PATJ: variants seen among roughly 807,000 people sequenced by gnomAD.
PATJ encodes inaD-like protein.
PATJ carries 190 observed loss-of-function variants against 224.9 expected under a neutral mutation model. The observed-to-expected ratio is 0.84, with a 90% confidence interval of 0.75 to 0.95. The LOEUF (loss-of-function observed/expected upper bound fraction) is 0.95. PATJ is among the 40% of genes least tolerant of loss of function. PATJ has a pLI of 0.00. For missense variants in PATJ, 2,121 were observed against 2,270.3 expected (o/e 0.93, Z 1.34); for synonymous variants, 769 against 820.3 (o/e 0.94, Z 1.07).
chr1:62,114,002 G>A (rs1283559823), intron 34 of PATJ, 51 bp from the exon 35 acceptor site: 3 of 1,559,278 alleles, frequency 1.9e-6, no homozygotes, highest in Non-Finnish European at 2.6e-6. Context: ...AGACAGAGAA[G>A]GCAGAGACCT....
chr1:61,751,780 C>T (rs933488717), intron 1 of PATJ, among the ~76,000 whole-genome samples: 12 of 151,736 alleles, frequency 7.9e-5, no homozygotes, highest in African/African-American at 2.4e-4. Context: ...GAGCCAAGAC[C>T]GCACCACTGC....
chr1:62,048,366 C>A (rs552410627), intron 30 of PATJ, among the ~76,000 whole-genome samples: 1 of 151,546 alleles, frequency 6.6e-6, no homozygotes, highest in Admixed American at 6.6e-5. Flanking sequence ...GCCAACATGG[C>A]GAAACCCCGT....
At chr1:62,085,905 T>C (rs1253926096) in intron 33 of PATJ, among the ~76,000 whole-genome samples, 1 of 151,922 alleles carries the variant, frequency 6.6e-6, no homozygotes, top group Non-Finnish European at 1.5e-5. Context: ...CATTTTCATA[T>C]CTACTCATAA....
At chr1:61,893,502 G>A (rs1477812395) in intron 22 of PATJ, among the ~76,000 whole-genome samples, 2 of 112,148 alleles carry the variant, frequency 1.8e-5, no homozygotes, top group Non-Finnish European at 1.8e-5. Context: ...TTTTTTTTTC[G>A]CCAATTAAAG....
chr1:62,130,768 G>A (rs1433000881), intron 41 of PATJ, among the ~76,000 whole-genome samples: 3 of 151,990 alleles, frequency 2.0e-5, no homozygotes, highest in Admixed American at 6.6e-5. Flanking sequence ...GGAGAATGGC[G>A]TGAACCTGGG....
intron 13 of PATJ, among the ~76,000 whole-genome samples, chr1:61,807,490 T>C (rs1214634890): frequency 6.6e-6 from 1 of 152,198 alleles, no homozygotes; most frequent in Non-Finnish European, 1.5e-5. Context: ...AAAATTTTAT[T>C]CTCCTTATAA....
Position 61,791,398 on chromosome 1 carries a change from G to C in PATJ, c.1119G>C (p.Gly373=). 6.2e-7 allele frequency: 1 copy of C among 1,612,328 alleles called. No homozygotes were observed. Residue 373 remains glycine (G), a synonymous_variant, in exon 9 of 44, where the codon GGG becomes GGC. Coordinates refer to ENST00000642238, the MANE Select transcript of PATJ (RefSeq NM_001350145.3). ...ATGTTGAGCTTGTGAGAAAAGATGG[G>C]CAGAGTCTTGGAATTAGAATTGTTG... ...TYNVELVRKD[G]QSLGIRIVGY...
At chr1:62,147,940 G>A (rs191212675) in intron 41 of PATJ, among the ~76,000 whole-genome samples, 366 of 151,714 alleles carry the variant, frequency 2.4e-3, no homozygotes, top group African/African-American at 8.4e-3. Context: ...TCCAGCCTGG[G>A]TGACAAGAGT....
At position 61,864,209 on chromosome 1, in the gene PATJ, T is replaced by A. The variant is rs749062169; in HGVS notation, c.2440-29T>A. The stretch of plus-strand genomic sequence containing the variant: ...GTGCAGCTTCAGGACAGGCGTAACT[T>A]CACATTTTTTTGCATCTTTTATTTA... On this transcript the variant is annotated intron_variant, in intron 19 of 43. Coordinates refer to ENST00000642238, the MANE Select transcript of PATJ (RefSeq NM_001350145.3). The A allele has an allele frequency of 2.3e-5, 36 of 1,549,468 alleles. No individual in the cohort carries two copies. The East Asian group carries it at 8.1e-4, about 35-fold the overall frequency.
chr1:62,033,917 A>T (rs1649820511), intron 29 of PATJ, among the ~76,000 whole-genome samples: 1 of 152,184 alleles, frequency 6.6e-6, no homozygotes, highest in South Asian at 2.1e-4. Flanking sequence ...AGAGTGGGAG[A>T]AAAACCAGCA....
intron 29 of PATJ, among the ~76,000 whole-genome samples, chr1:62,028,801 A>G (rs1648565720): frequency 6.6e-6 from 1 of 151,668 alleles, no homozygotes; most frequent in Non-Finnish European, 1.5e-5. Flanking sequence ...AGAAAAAGAA[A>G]AGAAAAGCCA....
intron 27 of PATJ, among the ~76,000 whole-genome samples, chr1:61,960,442 A>C (rs1334240550): frequency 1.3e-5 from 2 of 151,794 alleles, no homozygotes; most frequent in Non-Finnish European, 2.9e-5. Flanking sequence ...TGGCTGGATC[A>C]CCTGGGGTCA....
chr1:61,827,935 C>T (rs1347574774), intron 16 of PATJ, among the ~76,000 whole-genome samples: 3 of 152,220 alleles, frequency 2.0e-5, no homozygotes, highest in Non-Finnish European at 4.4e-5. Flanking sequence ...ATGTACTCCC[C>T]TTTTTAAGAG....
At chr1:62,131,057 A>C (rs1378660094) in intron 41 of PATJ, among the ~76,000 whole-genome samples, 1 of 152,198 alleles carries the variant, frequency 6.6e-6, no homozygotes, top group Non-Finnish European at 1.5e-5. Context: ...TCCTGTCATT[A>C]ATTTCAAGGG....
intron 35 of PATJ, chr1:62,114,450 A>G (rs1017856155): frequency 5.5e-6 from 3 of 544,226 alleles, no homozygotes; most frequent in Admixed American, 3.4e-5. Flanking sequence ...TCCAAGTCCA[A>G]TCAATCCAGA....
intron 20 of PATJ, among the ~76,000 whole-genome samples, chr1:61,874,902 C>A (rs768056537): frequency 1.3e-5 from 2 of 152,186 alleles, no homozygotes; most frequent in Non-Finnish European, 2.9e-5. Context: ...GCAACACAAT[C>A]CAGGAGGCTG....
At chr1:62,134,204 C>CTA (rs1286356952) in intron 41 of PATJ, among the ~76,000 whole-genome samples, 2 of 124,002 alleles carry the variant, frequency 1.6e-5, no homozygotes, top group Non-Finnish European at 3.4e-5. Context: ...GTACTCTCGT[C>CTA]TTTTTTTTTT....
At chr1:61,811,898 A>G (rs1489094171) in intron 14 of PATJ, among the ~76,000 whole-genome samples, 2 of 151,480 alleles carry the variant, frequency 1.3e-5, no homozygotes, top group African/African-American at 4.8e-5. Context: ...CATCTCTACT[A>G]AAAATACAAA....
intron 28 of PATJ, among the ~76,000 whole-genome samples, chr1:62,016,784 A>G (rs1646792937): frequency 6.6e-6 from 1 of 152,226 alleles, no homozygotes; most frequent in Non-Finnish European, 1.5e-5. Context: ...GACTTAAAAC[A>G]GGGATATAAT....
Sources: gnomAD v4.1 joint callset for allele counts (sites outside exome capture counted in the v4.1 genomes callset) on GRCh38, gnomAD v4.1.1 for gene constraint, MANE v1.5 for transcripts, NCBI Gene and HGNC (gene_info 2026-07-23, HGNC 2026-07-21) for gene names.